MMP2: variants seen among roughly 807,000 people sequenced by gnomAD.
MMP2 encodes the protein matrix metallopeptidase 2, also known as 72 kDa type IV collagenase.
MMP2 carries 39 observed loss-of-function variants against 74.8 expected under a neutral mutation model. The ratio of observed to expected loss-of-function variants is 0.52; its 90% CI spans 0.40 to 0.68. The LOEUF is 0.68. MMP2 is among the 30% of genes least tolerant of loss of function. The pLI is 0.00. For missense variants in MMP2, 803 were observed against 878.3 expected, an observed-to-expected ratio of 0.91 and a Z score of 1.08; for synonymous variants, 367 against 339.8, an observed-to-expected ratio of 1.08 and a Z score of -0.88.
At chr16:55,488,797 C>T in intron 6 of MMP2, 81 bp downstream of exon 6, 3 of 1,436,274 alleles carry the variant, frequency 2.1e-6, no homozygotes, top group Non-Finnish European at 2.8e-6. Flanking sequence ...CTCCGAGTGC[C>T]CACCTCCTTT....
At position 55,494,570 on chromosome 16, in the gene MMP2, A is replaced by G. The variant is rs952150417; in HGVS notation, c.1472+1277A>G. ...GACAGGCGCATGGGCCTCCTATAAC[A>G]GAACCATCTAGAGTGTGGGTATTAA... On this transcript the variant is annotated intron_variant, in intron 9 of 12. Transcript: ENST00000219070. Among the ~76,000 whole-genome samples the G allele has an allele frequency of 3.3e-5, 5 of 152,352 alleles. No homozygotes were observed. The East Asian group carries it at 9.6e-4, about 29-fold the overall frequency.
intron 3 of MMP2, among the ~76,000 whole-genome samples, chr16:55,484,919 T>C (rs1962203114): frequency 6.6e-6 from 1 of 152,136 alleles, no homozygotes; most frequent in South Asian, 2.1e-4. Context: ...GAAGGCAGGA[T>C]TGTGGTTAAG....
At position 55,493,293 on chromosome 16, in the gene MMP2, G is replaced by A. The variant is rs200852686; in HGVS notation, c.1472G>A (p.Arg491Gln). 7.1e-5 allele frequency: 115 copies of A among 1,613,924 alleles called. No homozygotes were observed. The highest frequency in any genetic ancestry group is 1.6e-4 in the Middle Eastern group (1 of 6,076). ...GGTGAGATCTTCTTCTTCAAGGACC[G>A]GTGAGTGCAGGAGCTTGCTTCTTGT... ...IRGEIFFFKDRFIWRTVTPRD... is the reference protein window; with the variant it reads ...IRGEIFFFKDQFIWRTVTPRD... Residue 491 changes from arginine (R) to glutamine (Q), a missense_variant and splice_region_variant, in exon 9 of 13, where the codon CGG (arginine) becomes CAG (glutamine). Transcript: ENST00000219070.
intron 10 of MMP2, 134 bp from the exon 11 acceptor site, chr16:55,498,155 A>C: frequency 8.5e-7 from 1 of 1,172,722 alleles, no homozygotes; most frequent in Non-Finnish European, 1.3e-6. Context: ...GGGCACTGCA[A>C]CCAGGAGTGA....
chr16:55,503,040 A>T, intron 12 of MMP2, 152 bp downstream of exon 12: 1 of 704,968 alleles, frequency 1.4e-6, no homozygotes, highest in South Asian at 1.6e-5. Flanking sequence ...AGTGCTGGGA[A>T]GGTTTCCAGA....
Position 55,485,355 on chromosome 16 carries a change from G to T in MMP2, c.586G>T (p.Ala196Ser), listed in dbSNP as rs1567374263. ...GKDGLLAHAF[A>S]PGTGVGGDSH... ...GGACGGACTCCTGGCTCATGCCTTC[G>T]CCCCAGGCACTGGTGTTGGGGGAGA... The change falls in exon 4 of 13, where the codon GCC (alanine) becomes TCC (serine). Residue 196 changes from alanine (A) to serine (S), a missense_variant. Physicochemically the swap from Ala to Ser is moderately conservative, Grantham distance 99. This residue lies in a region of MMP2 where 25 missense variants were observed against 53.5 expected (regional missense o/e 0.47). Coordinates refer to ENST00000219070, the MANE Select transcript of MMP2 (RefSeq NM_004530.6). The T allele has an allele frequency of 6.2e-7, 1 of 1,614,080 alleles. No homozygotes were observed. Among genetic ancestry groups the T allele is most frequent in the Non-Finnish European group, 8.5e-7 (1 of 1,180,006 alleles).
In MMP2 at chr16:55,479,453, C is replaced by T; in HGVS notation, c.-27C>T. 6.8e-7 allele frequency: 1 copy of T among 1,474,968 alleles called. No individual in the cohort carries two copies. 91.4% of individuals were successfully genotyped at this position (1,474,968 alleles called of 1,614,324 possible). A position where few individuals can be genotyped will look rare whatever the true frequency, so the allele number is the denominator to read the frequency against. Reference sequence around the variant, plus strand: ...ACGCACCGAGCCAGCGACCCCCGGGCGACGCGCGGGGCCAGGGAGCGCTAC... The same window carrying T: ...ACGCACCGAGCCAGCGACCCCCGGGTGACGCGCGGGGCCAGGGAGCGCTAC... On this transcript the variant is annotated 5_prime_UTR_variant, in exon 1 of 13. Coordinates refer to ENST00000219070, the MANE Select transcript of MMP2 (RefSeq NM_004530.6).
chr16:55,504,342 C>T (rs1180580741), intron 12 of MMP2, among the ~76,000 whole-genome samples: 1 of 152,154 alleles, frequency 6.6e-6, no homozygotes, highest in Non-Finnish European at 1.5e-5. Context: ...ATCTGTGGGC[C>T]TGACAGGACT....
chr16:55,502,610 G>C (rs1243938394), intron 11 of MMP2, among the ~76,000 whole-genome samples, 169 bp from the exon 12 acceptor site: 1 of 152,102 alleles, frequency 6.6e-6, no homozygotes, highest in Non-Finnish European at 1.5e-5. Context: ...CTCAGACTCA[G>C]GTCTGATTCC....
intron 7 of MMP2, 107 bp from the exon 8 acceptor site, chr16:55,491,694 C>T (rs1962408627): frequency 7.7e-7 from 1 of 1,295,210 alleles, no homozygotes. Context: ...GGTTCTCAGC[C>T]TTACTGTGGG....
At chr16:55,504,085 G>T (rs902527542) in intron 12 of MMP2, among the ~76,000 whole-genome samples, 7 of 152,272 alleles carry the variant, frequency 4.6e-5, no homozygotes, top group African/African-American at 1.7e-4. Flanking sequence ...TTGAGCCCAG[G>T]AGTTTAAGGC....
chr16:55,499,010 T>C (rs1294970998), intron 11 of MMP2, among the ~76,000 whole-genome samples: 1 of 151,736 alleles, frequency 6.6e-6, no homozygotes, highest in Non-Finnish European at 1.5e-5. Context: ...CTACTAAAAA[T>C]GCAAAAAAAT....
intron 1 of MMP2, among the ~76,000 whole-genome samples, chr16:55,480,247 G>A (rs985709086): frequency 9.9e-5 from 15 of 152,186 alleles, no homozygotes; most frequent in African/African-American, 3.4e-4. Context: ...CAAACAGCTC[G>A]AGGGGGCCAT....
At chr16:55,482,864 C>T in intron 1 of MMP2, 45 bp from the exon 2 acceptor site, 5 of 1,533,320 alleles carry the variant, frequency 3.3e-6, no homozygotes, top group Non-Finnish European at 4.5e-6. Flanking sequence ...AGTACTGTGC[C>T]ATCCTAATGT....
At chr16:55,482,329 C>A (rs1346885889) in intron 1 of MMP2, among the ~76,000 whole-genome samples, 2 of 152,204 alleles carry the variant, frequency 1.3e-5, no homozygotes, top group Non-Finnish European at 2.9e-5. Flanking sequence ...CCAGGTCTGT[C>A]TACTGCCAGA....
intron 6 of MMP2, among the ~76,000 whole-genome samples, chr16:55,489,111 A>G (rs778076387): frequency 7.9e-5 from 12 of 152,060 alleles, no homozygotes; most frequent in Admixed American, 3.3e-4. Context: ...TTTTTTATTA[A>G]GAGCTCCGTG....
intron 11 of MMP2, among the ~76,000 whole-genome samples, chr16:55,499,255 G>T (rs1835011489): frequency 1.3e-5 from 2 of 152,050 alleles, no homozygotes; most frequent in South Asian, 2.1e-4. Context: ...TTGAACCCTG[G>T]CATTCTGTCT....
chr16:55,484,307 A>T, intron 3 of MMP2, 143 bp downstream of exon 3: 3 of 952,482 alleles, frequency 3.1e-6, no homozygotes, highest in South Asian at 1.5e-5. Flanking sequence ...GGTGGTTTAG[A>T]TGGGGGCAGC....
intron 5 of MMP2, chr16:55,488,052 A>G: frequency 4.7e-6 from 1 of 211,314 alleles, no homozygotes; most frequent in Non-Finnish European, 9.5e-6. Flanking sequence ...GTTTTTAGTT[A>G]CAACCTTCAT....
Sources: allele counts gnomAD v4.1 joint callset (sites outside exome capture counted in the v4.1 genomes callset), GRCh38; gene constraint gnomAD v4.1.1; regional missense constraint gnomAD v4.1.1; transcripts MANE v1.5; gene names NCBI Gene and HGNC (gene_info 2026-07-23, HGNC 2026-07-21).